The following TPO variants were observed in gnomAD, a reference collection of about 807,000 sequenced individuals.
TPO encodes thyroid peroxidase.
A neutral mutation model predicts 96.9 loss-of-function variants in TPO; 78 were observed. The observed-to-expected ratio is 0.81, with a 90% confidence interval of 0.67 to 0.97. TPO has a LOEUF of 0.97. Ranked by LOEUF, TPO falls within the 50% of genes least tolerant of loss-of-function variation. TPO has a pLI of 0.00. For missense variants in TPO, 1,252 were observed against 1,274.8 expected (o/e 0.98, Z 0.27); for synonymous variants, 547 against 538.0 (o/e 1.02, Z -0.23).
At position 1,397,346 on chromosome 2, in the gene TPO, T is replaced by C. The variant is rs910149034; in HGVS notation, n.180+22944T>C. 2.9e-4 allele frequency among the ~76,000 whole-genome samples: 44 copies of C among 152,194 alleles called. 2 individuals are homozygous for C. The highest frequency in any genetic ancestry group is 1.0e-3 in the African/African-American group (43 of 41,456). On this transcript the variant is annotated intron_variant and non_coding_transcript_variant, in intron 1 of 5. Coordinates refer to the TPO transcript ENST00000497517. Reference sequence around the variant, plus strand: ...CAAATCTGAAACATAGGGCATGACATGGGAGTTACTGACTTCCATAGGTAT... The same window carrying C: ...CAAATCTGAAACATAGGGCATGACACGGGAGTTACTGACTTCCATAGGTAT...
chr2:1,497,351 G>T (rs1382510198), intron 13 of TPO, among the ~76,000 whole-genome samples: 5 of 152,218 alleles, frequency 3.3e-5, no homozygotes, highest in East Asian at 1.9e-4. Context: ...GGCTTGAGCG[G>T]GTGTCAGCCC....
chr2:1,457,260 CAT>C (rs1197671127), intron 7 of TPO, among the ~76,000 whole-genome samples: 1 of 72,678 alleles, frequency 1.4e-5, no homozygotes, highest in Non-Finnish European at 2.6e-5. Context: ...TGTGGGTACA[CAT>C]ATATAGCATG....
Position 1,436,202 on chromosome 2 carries a change from GT to G in TPO, c.350-49del, listed in dbSNP as rs762653318. 7 of 1,613,648 alleles carry G rather than the reference GT, an allele frequency of 4.3e-6. No homozygotes were observed. In the African/African-American group the frequency reaches 8.0e-5, roughly 18 times the overall value. On this transcript the variant is annotated intron_variant, in intron 4 of 16. Coordinates refer to ENST00000329066, the MANE Select transcript of TPO (RefSeq NM_001206744.2). ...GAGACTGCAATAGAATATTTGTTAG[GT>G]GGATTTGTGGTTACAAGCACAGAAT...
At chr2:1,479,405 T>G (rs1670323507) in intron 8 of TPO, among the ~76,000 whole-genome samples, 1 of 152,208 alleles carries the variant, frequency 6.6e-6, no homozygotes, top group African/African-American at 2.4e-5. Flanking sequence ...AAGTAGAATC[T>G]CAAAAATAAT....
chr2:1,465,780 T>C (rs948426094), intron 7 of TPO, among the ~76,000 whole-genome samples: 1 of 152,166 alleles, frequency 6.6e-6, no homozygotes, highest in Non-Finnish European at 1.5e-5. Flanking sequence ...ATTTGATCAG[T>C]TCTAGGAGCT....
At chr2:1,398,018 C>A (rs1662110866) in intron 1 of TPO, among the ~76,000 whole-genome samples, 1 of 152,364 alleles carries the variant, frequency 6.6e-6, no homozygotes, top group South Asian at 2.1e-4. Context: ...GCGTTCCGCA[C>A]ATTTTCAGGC....
At chr2:1,387,923 C>CT (rs758188085) in intron 1 of TPO, among the ~76,000 whole-genome samples, 4 of 152,194 alleles carry the variant, frequency 2.6e-5, no homozygotes, top group Non-Finnish European at 5.9e-5. Context: ...AGTTTTCCCT[C>CT]TAACAGACAG....
At chr2:1,403,089 T>C (rs996998465) in intron 1 of TPO, among the ~76,000 whole-genome samples, 9 of 152,256 alleles carry the variant, frequency 5.9e-5, no homozygotes, top group Admixed American at 6.5e-5. Flanking sequence ...TTGCATTTTT[T>C]CCTTTGTTTT....
chr2:1,455,935 A>G (rs1168236792), intron 6 of TPO, 141 bp from the exon 7 acceptor site: 1 of 813,002 alleles, frequency 1.2e-6, no homozygotes, highest in Non-Finnish European at 2.1e-6. Context: ...CTCCTGCCCT[A>G]ACTCCAGGGC....
chr2:1,388,440 C>G (rs1409957802), intron 1 of TPO, among the ~76,000 whole-genome samples: 1 of 152,216 alleles, frequency 6.6e-6, no homozygotes, highest in Admixed American at 6.5e-5. Context: ...TCGCTGCCGC[C>G]TTGCAGTTGG....
rs104893669 is a variant in TPO, at chr2:1,484,596, A to G, written c.1339A>G (p.Ile447Val). ...ARKVVGALHQ[I>V]ITLRDYIPRI... The stretch of plus-strand genomic sequence containing the variant: ...TGAGATGCTTTTCCTATCTGCACAG[A>G]TCATCACCCTGAGGGATTACATCCC... The change falls in exon 9 of 17, where the codon ATC (isoleucine) becomes GTC (valine). Residue 447 changes from isoleucine to valine, a missense_variant and splice_region_variant. Coordinates refer to ENST00000329066, the MANE Select transcript of TPO (RefSeq NM_001206744.2). 1 of 1,614,026 alleles carries G rather than the reference A, an allele frequency of 6.2e-7. No individual in the cohort carries two copies. Among genetic ancestry groups the G allele is most frequent in the Non-Finnish European group, 8.5e-7 (1 of 1,180,026 alleles).
intron 15 of TPO, among the ~76,000 whole-genome samples, chr2:1,523,129 CG>C (rs1675549577): frequency 6.8e-6 from 1 of 146,550 alleles, no homozygotes; most frequent in African/African-American, 2.5e-5. Flanking sequence ...TCCCCAAATC[CG>C]CCCCACCCTG....
chr2:1,539,761 C>T (rs1459983493), intron 15 of TPO, among the ~76,000 whole-genome samples: 2 of 151,584 alleles, frequency 1.3e-5, no homozygotes, highest in African/African-American at 4.9e-5. Context: ...TGGTCCTCTT[C>T]AGGCAGGCGG....
intron 1 of TPO, among the ~76,000 whole-genome samples, chr2:1,381,465 G>A (rs970779082): frequency 1.3e-5 from 2 of 152,140 alleles, no homozygotes; most frequent in African/African-American, 2.4e-5. Context: ...GAACAGCAAC[G>A]AGGGGGTGGT....
intron 15 of TPO, among the ~76,000 whole-genome samples, chr2:1,523,667 C>T (rs1175449504): frequency 2.1e-5 from 2 of 97,146 alleles, no homozygotes; most frequent in African/African-American, 4.0e-5. Flanking sequence ...TCAACCTCCT[C>T]GAATCACCCC....
At chr2:1,418,311 G>T (rs1049061602) in intron 2 of TPO, among the ~76,000 whole-genome samples, 1 of 151,096 alleles carries the variant, frequency 6.6e-6, no homozygotes, top group African/African-American at 2.4e-5. Context: ...GAGAGAGAGA[G>T]AAAAAAAGAA....
At position 1,525,280 on chromosome 2, in the gene TPO, C is replaced by G. The variant is rs1185743213; in HGVS notation, c.2618+8298C>G. Among the ~76,000 whole-genome samples the G allele has an allele frequency of 1.7e-4, 25 of 146,570 alleles. No homozygotes were observed. The Admixed American group carries it at 1.7e-3, about 10-fold the overall frequency. The stretch of plus-strand genomic sequence containing the variant: ...ACTGGGTGCAACCTCCTCAAATCCC[C>G]TACTCTGTGGAACCTCCTCAAATCC... On this transcript the variant is annotated intron_variant, in intron 15 of 16. Coordinates refer to ENST00000329066, the MANE Select transcript of TPO (RefSeq NM_001206744.2).
chr2:1,406,416 C>T (rs1470596986), intron 1 of TPO, among the ~76,000 whole-genome samples: 5 of 152,202 alleles, frequency 3.3e-5, no homozygotes, highest in Non-Finnish European at 5.9e-5. Context: ...ACACAAAGAA[C>T]TTAGCTTAGC....
intron 8 of TPO, 70 bp from the exon 9 acceptor site, chr2:1,484,526 A>G: frequency 6.2e-7 from 1 of 1,605,972 alleles, no homozygotes; most frequent in Non-Finnish European, 8.5e-7. Context: ...ATGCTCTTCC[A>G]CACTGCCGCT....
Sources: gnomAD v4.1 joint callset for allele counts (sites outside exome capture counted in the v4.1 genomes callset) on GRCh38, gnomAD v4.1.1 for gene constraint, MANE v1.5 for transcripts, NCBI Gene and HGNC (gene_info 2026-07-23, HGNC 2026-07-21) for gene names.